GPBP1: variants seen among roughly 807,000 people sequenced by gnomAD.
GPBP1 encodes the protein GC-rich promoter binding protein 1, also known as vasculin.
Under a neutral mutation model 56.5 loss-of-function variants are expected in GPBP1, and 13 were observed. That is an observed-to-expected ratio of 0.23 (90% CI 0.15 to 0.37). GPBP1 has a LOEUF of 0.37. Ranked by LOEUF, GPBP1 falls within the 10% of genes least tolerant of loss-of-function variation. GPBP1 has a pLI of 1.00. For synonymous variants in GPBP1, 204 were observed against 188.9 expected (o/e 1.08, Z -0.66); for missense variants, 477 against 572.3 (o/e 0.83, Z 1.70).
chr5:57,244,101 A>C (rs1740968607), intron 6 of GPBP1, among the ~76,000 whole-genome samples: 1 of 152,196 alleles, frequency 6.6e-6, no homozygotes, highest in Non-Finnish European at 1.5e-5. Context: ...CTTTAGAATT[A>C]GTAAGGATCT....
At chr5:57,203,027 A>G (rs1032595656) in intron 2 of GPBP1, among the ~76,000 whole-genome samples, 4 of 152,210 alleles carry the variant, frequency 2.6e-5, no homozygotes, top group South Asian at 2.1e-4. Flanking sequence ...TGTTTACCTT[A>G]TGGAGAGTAA....
intron 10 of GPBP1, among the ~76,000 whole-genome samples, chr5:57,255,839 C>G (rs1741633284): frequency 6.6e-6 from 1 of 152,234 alleles, no homozygotes; most frequent in Admixed American, 6.5e-5. Flanking sequence ...GATGGTTCTT[C>G]TTTCATTTAG....
intron 2 of GPBP1, among the ~76,000 whole-genome samples, chr5:57,204,333 T>C (rs12652981): frequency 0.03 from 4,505 of 152,080 alleles, 151 homozygotes; most frequent in East Asian, 0.13. Flanking sequence ...TACTACAACC[T>C]CCACCTCCCA....
At chr5:57,230,301 T>C (rs577647342) in intron 3 of GPBP1, among the ~76,000 whole-genome samples, 2 of 152,340 alleles carry the variant, frequency 1.3e-5, no homozygotes, top group South Asian at 2.1e-4. Flanking sequence ...TAGATTAATA[T>C]TTGGGGCTAG....
At chr5:57,184,145 T>A (rs1487597797) in intron 2 of GPBP1, among the ~76,000 whole-genome samples, 1 of 151,940 alleles carries the variant, frequency 6.6e-6, no homozygotes, top group South Asian at 2.1e-4. Context: ...GGCAGGAGAA[T>A]CACTTGAACC....
chr5:57,214,821 A>G (rs1272834449), intron 3 of GPBP1, among the ~76,000 whole-genome samples: 1 of 151,916 alleles, frequency 6.6e-6, no homozygotes, highest in Non-Finnish European at 1.5e-5. Context: ...ATGCCTGACT[A>G]ATTTTTGTAT....
chr5:57,203,825 G>A (rs1311349026), intron 2 of GPBP1, among the ~76,000 whole-genome samples: 1 of 152,160 alleles, frequency 6.6e-6, no homozygotes, highest in Non-Finnish European at 1.5e-5. Flanking sequence ...TTCAGATCAT[G>A]TGATCTGTAA....
intron 2 of GPBP1, among the ~76,000 whole-genome samples, chr5:57,211,083 G>C (rs1755455385): frequency 6.6e-6 from 1 of 151,782 alleles, no homozygotes; most frequent in Non-Finnish European, 1.5e-5. Flanking sequence ...CAGTTAAGAT[G>C]AGTGGTGTGG....
At chr5:57,177,648 C>CTTTTTTTTTTTTTTTTTTTT (rs58708281) in intron 2 of GPBP1, among the ~76,000 whole-genome samples, 1 of 92,238 alleles carries the variant, frequency 1.1e-5, no homozygotes, top group Non-Finnish European at 2.0e-5. Flanking sequence ...CAATTTTTGC[C>CTTTTTTTTTTTTTTTTTTTT]TTTTTTTTTT....
chr5:57,187,463 C>G (rs1010344242), intron 2 of GPBP1, among the ~76,000 whole-genome samples: 1 of 152,036 alleles, frequency 6.6e-6, no homozygotes, highest in Non-Finnish European at 1.5e-5. Flanking sequence ...TGTTTGAGTG[C>G]CTATGGTATC....
intron 10 of GPBP1, among the ~76,000 whole-genome samples, chr5:57,254,756 CTGA>C (rs1741569722): frequency 1.3e-5 from 2 of 151,232 alleles, no homozygotes; most frequent in South Asian, 2.1e-4. Flanking sequence ...ATTTATTGGG[CTGA>C]TGATAATTGC....
intron 3 of GPBP1, among the ~76,000 whole-genome samples, chr5:57,227,455 A>G (rs557083169): frequency 1.2e-4 from 18 of 152,072 alleles, no homozygotes; most frequent in Admixed American, 1.1e-3. Context: ...CAGCCTCCCA[A>G]ATTGCCGGGA....
chr5:57,192,265 A>T (rs79700520), intron 2 of GPBP1, among the ~76,000 whole-genome samples: 3,191 of 152,206 alleles, frequency 0.021, 51 homozygotes, highest in Non-Finnish European at 0.032. Context: ...GTAGTTTCAC[A>T]TTTCTATTAA....
intron 3 of GPBP1, among the ~76,000 whole-genome samples, chr5:57,229,924 TC>T (rs140418972): frequency 0.079 from 11,591 of 146,674 alleles, 636 homozygotes; most frequent in South Asian, 0.13. Context: ...TCCCTTCCCA[TC>T]CCGTTGCATC....
chr5:57,175,420 T>G, intron 1 of GPBP1, 28 bp from the exon 2 acceptor site: 1 of 398,456 alleles, frequency 2.5e-6, no homozygotes, highest in Non-Finnish European at 4.4e-6. Context: ...CAAAACTCAG[T>G]ATATAATTTT....
chr5:57,262,693 A>T lies in GPBP1; in HGVS notation c.1363A>T (p.Thr455Ser). 1 of 1,613,900 alleles carries T rather than the reference A, an allele frequency of 6.2e-7. No individual in the cohort carries two copies. The highest frequency in any genetic ancestry group is 1.1e-5 in the South Asian group (1 of 91,074). Residue 455 changes from threonine to serine, a missense_variant, in exon 12 of 12, where the codon ACT becomes TCT. Transcript: ENST00000506184. ...GAAGAACAGCACTTTCAAACCCACA[A>T]CTGAGAATGATGACACAGAGACAAG... ...PWKNSTFKPT[T>S]ENDDTETSSS...
At chr5:57,177,829 A>G (rs1182700869) in intron 2 of GPBP1, among the ~76,000 whole-genome samples, 2 of 151,678 alleles carry the variant, frequency 1.3e-5, no homozygotes, top group Admixed American at 6.6e-5. Context: ...CTCTTTACCA[A>G]GATGGCCTAA....
At chr5:57,189,121 C>T (rs116364304) in intron 2 of GPBP1, among the ~76,000 whole-genome samples, 2,330 of 152,078 alleles carry the variant, frequency 0.015, 61 homozygotes, top group African/African-American at 0.053. Context: ...CCACCATACC[C>T]GGCTAATTTT....
At chr5:57,179,539 G>C (rs1274598393) in intron 2 of GPBP1, among the ~76,000 whole-genome samples, 1 of 152,174 alleles carries the variant, frequency 6.6e-6, no homozygotes, top group Non-Finnish European at 1.5e-5. Flanking sequence ...CCCATAGCCT[G>C]TTTCCACAGG....
Sources: allele counts gnomAD v4.1 joint callset (sites outside exome capture counted in the v4.1 genomes callset), GRCh38; gene constraint gnomAD v4.1.1; transcripts MANE v1.5; gene names NCBI Gene and HGNC (gene_info 2026-07-23, HGNC 2026-07-21).